AFAP1: variants seen among roughly 807,000 people sequenced by gnomAD.
AFAP1 encodes the protein actin filament associated protein 1, also known as actin filament-associated protein 1.
Under a neutral mutation model 93.9 loss-of-function variants are expected in AFAP1, and 75 were observed. That is an observed-to-expected ratio of 0.80 (90% CI 0.66 to 0.97). The LOEUF (loss-of-function observed/expected upper bound fraction) is 0.97. Ranked by LOEUF, AFAP1 falls within the 50% of genes least tolerant of loss-of-function variation. The pLI is 0.00. For synonymous variants in AFAP1, 517 were observed against 430.7 expected (o/e 1.20, Z -2.48); for missense variants, 1,201 against 1,050.8 (o/e 1.14, Z -1.98).
intron 6 of AFAP1, among the ~76,000 whole-genome samples, chr4:7,821,813 C>T (rs1317431604): frequency 6.6e-6 from 1 of 152,130 alleles, no homozygotes; most frequent in South Asian, 2.1e-4. Context: ...GACAAGAGAC[C>T]AGGATAGTGT....
intron 8 of AFAP1, among the ~76,000 whole-genome samples, chr4:7,812,813 T>C (rs540205839): frequency 3.3e-5 from 5 of 152,314 alleles, no homozygotes; most frequent in Non-Finnish European, 7.4e-5. Context: ...TTTAGGCTAC[T>C]GGGAGGAATA....
Position 7,758,920 on chromosome 4 carries a change from G to A in AFAP1, c.*4845C>T, listed in dbSNP as rs1183293903. 1.3e-5 allele frequency: 2 copies of A among 152,126 alleles called. No homozygotes were observed. Among genetic ancestry groups the A allele is most frequent in the African/African-American group, 4.8e-5 (2 of 41,390 alleles). The allele number at this position is 152,126 out of a possible 1,614,324, so 9.4% of individuals were successfully genotyped here. A position where few individuals can be genotyped will look rare whatever the true frequency, so the allele number is the denominator to read the frequency against. ...TTACTTTATGAATTAAATACATTGA[G>A]AAACAGTGAAAATATATTTACAGTC... On this transcript the variant is annotated 3_prime_UTR_variant, in exon 18 of 18. Transcript: ENST00000420658.
At chr4:7,851,582 G>A (rs1457253166) in intron 4 of AFAP1, among the ~76,000 whole-genome samples, 1 of 152,202 alleles carries the variant, frequency 6.6e-6, no homozygotes, top group Non-Finnish European at 1.5e-5. Flanking sequence ...ACGACCCACT[G>A]TAGCTGCATC....
intron 1 of AFAP1, among the ~76,000 whole-genome samples, chr4:7,879,388 C>T (rs1311021121): frequency 6.6e-6 from 1 of 152,214 alleles, no homozygotes; most frequent in East Asian, 1.9e-4. Context: ...GCCATATCTA[C>T]ACGTGAACCA....
chr4:7,805,112 G>A (rs146814746), intron 9 of AFAP1, among the ~76,000 whole-genome samples: 1 of 152,262 alleles, frequency 6.6e-6, no homozygotes, highest in East Asian at 1.9e-4. Flanking sequence ...TGTTGCTGAG[G>A]CTGGTCTTAA....
rs1209115125 is a variant in AFAP1, at chr4:7,762,171, C to T, written c.*1594G>A. 2 of 152,274 alleles carry T rather than the reference C, an allele frequency of 1.3e-5. No homozygotes were observed. Among genetic ancestry groups the T allele is most frequent in the Non-Finnish European group, 2.9e-5 (2 of 68,054 alleles). 9.4% of individuals were successfully genotyped at this position (152,274 alleles called of 1,614,324 possible). ...CGTGGCCCTTGCAGGCCTCAAGCGCCACCACCTTAAACATGAATCCTAACT... is the reference window on the plus strand; with the variant it reads ...CGTGGCCCTTGCAGGCCTCAAGCGCTACCACCTTAAACATGAATCCTAACT... On this transcript the variant is annotated 3_prime_UTR_variant, in exon 18 of 18. Transcript: ENST00000420658.
intron 5 of AFAP1, 57 bp from the exon 6 acceptor site, chr4:7,838,760 G>A: frequency 6.3e-7 from 1 of 1,581,786 alleles, no homozygotes; most frequent in Admixed American, 1.7e-5. Context: ...CAGAAACACT[G>A]AGGAAGCTCT....
At position 7,763,579 on chromosome 4, in the gene AFAP1, C is replaced by T. The variant is rs993492197; in HGVS notation, c.*186G>A. The T allele has an allele frequency of 1.2e-5, 7 of 590,672 alleles. No individual in the cohort carries two copies. The highest frequency in any genetic ancestry group is 1.9e-5 in the African/African-American group (1 of 52,852). The allele number at this position is 590,672 out of a possible 1,614,324, so 36.6% of individuals were successfully genotyped here. ...CAAAGTCTTACATCTTTTTTAAAGG[C>T]GCCATTTTACAGTAGAAAGAATACA... On this transcript the variant is annotated 3_prime_UTR_variant, in exon 18 of 18. Coordinates refer to ENST00000420658, the MANE Select transcript of AFAP1 (RefSeq NM_001134647.2).
At chr4:7,899,917 A>G (rs1719019158) in intron 1 of AFAP1, among the ~76,000 whole-genome samples, 1 of 144,134 alleles carries the variant, frequency 6.9e-6, no homozygotes, top group Admixed American at 6.9e-5. Flanking sequence ...TCAGGTCTGA[A>G]TGAGAAGTGT....
At chr4:7,775,040 C>A in intron 14 of AFAP1, 137 bp from the exon 15 acceptor site, 1 of 1,054,438 alleles carries the variant, frequency 9.5e-7, no homozygotes, top group Non-Finnish European at 1.4e-6. Context: ...ACTCAGGAAG[C>A]TGAGGTGGGA....
At chr4:7,810,765 A>G (rs1360181943) in intron 8 of AFAP1, among the ~76,000 whole-genome samples, 15 of 152,226 alleles carry the variant, frequency 9.9e-5, no homozygotes, top group Admixed American at 9.8e-4. Context: ...CAGCGGCAGG[A>G]CCACAGAAGC....
rs1020505934 is a variant in AFAP1 at position 7,911,884 on chromosome 4, G to C, written c.-3+27772C>G. Among the ~76,000 whole-genome samples, 3 of 152,196 alleles carry C rather than the reference G, an allele frequency of 2.0e-5. No individual in the cohort carries two copies. In the East Asian group the frequency reaches 5.8e-4, roughly 29 times the overall value. On this transcript the variant is annotated intron_variant, in intron 1 of 17. Transcript: ENST00000420658. ...TACCTGGGATATTTCTTTTAAGTTAGTTTGTTCATGTTTTGGAAAGATTGT... is the reference window on the plus strand; with the variant it reads ...TACCTGGGATATTTCTTTTAAGTTACTTTGTTCATGTTTTGGAAAGATTGT...
chr4:7,899,701 T>C (rs1475449399), intron 1 of AFAP1, among the ~76,000 whole-genome samples: 3 of 152,170 alleles, frequency 2.0e-5, no homozygotes, highest in African/African-American at 7.2e-5. Context: ...TCTGACAGTC[T>C]TGAACCCTAC....
At chr4:7,905,989 G>C (rs572782841) in intron 1 of AFAP1, among the ~76,000 whole-genome samples, 1 of 152,216 alleles carries the variant, frequency 6.6e-6, no homozygotes, top group African/African-American at 2.4e-5. Flanking sequence ...CAGCCTGGGG[G>C]CCTGCTGAAA....
In AFAP1 at chr4:7,763,102, C is replaced by T. The variant is rs1005533880; in HGVS notation, c.*663G>A. On this transcript the variant is annotated 3_prime_UTR_variant, in exon 18 of 18. Transcript: ENST00000420658. The stretch of plus-strand genomic sequence containing the variant: ...ACAGTAAAAAGACATTCCTAAAAAA[C>T]AGGTTAAGAAGAATGGCAGCTTTTC... The T allele has an allele frequency of 2.0e-5, 3 of 152,576 alleles. No individual in the cohort carries two copies. The highest frequency in any genetic ancestry group is 2.1e-4 in the South Asian group (1 of 4,824). The allele number at this position is 152,576 out of a possible 1,614,324, so 9.5% of individuals were successfully genotyped here.
intron 4 of AFAP1, among the ~76,000 whole-genome samples, chr4:7,849,920 C>T (rs1438460808): frequency 6.6e-6 from 1 of 151,982 alleles, no homozygotes; most frequent in Non-Finnish European, 1.5e-5. Flanking sequence ...TCCACTCTTT[C>T]ATGCTGCTGT....
intron 1 of AFAP1, among the ~76,000 whole-genome samples, chr4:7,913,388 CAAA>C (rs763367846): frequency 1.1e-4 from 7 of 62,062 alleles, no homozygotes; most frequent in Admixed American, 1.7e-4. Flanking sequence ...ACCCTGTCTC[CAAA>C]AAAAAAAAAA....
intron 1 of AFAP1, among the ~76,000 whole-genome samples, chr4:7,907,399 C>A (rs892282724): frequency 1.9e-4 from 29 of 152,266 alleles, no homozygotes; most frequent in African/African-American, 6.7e-4. Context: ...TGAATTGAAA[C>A]CAGATATCTC....
intron 17 of AFAP1, among the ~76,000 whole-genome samples, chr4:7,766,023 G>C (rs374700144): frequency 6.6e-6 from 1 of 152,184 alleles, no homozygotes; most frequent in African/African-American, 2.4e-5. Context: ...TACACTGCAC[G>C]TCTCCGCATG....
Sources: allele counts gnomAD v4.1 joint callset (sites outside exome capture counted in the v4.1 genomes callset), GRCh38; gene constraint gnomAD v4.1.1; transcripts MANE v1.5; gene names NCBI Gene and HGNC (gene_info 2026-07-23, HGNC 2026-07-21).